The following P3H2 variants were observed in gnomAD, a reference collection of about 807,000 sequenced individuals.
The protein encoded by P3H2 is leprecan-like 1.
Under a neutral mutation model 87.0 loss-of-function variants are expected in P3H2, and 80 were observed. The observed-to-expected ratio is 0.92, with a 90% CI of 0.77 to 1.11. The LOEUF (loss-of-function observed/expected upper bound fraction) is 1.11. P3H2 is among the 50% of genes least tolerant of loss of function. The probability of loss-of-function intolerance (pLI) is 0.00; values close to 1 mark genes in which losing one functional copy is unlikely to be tolerated. For missense variants in P3H2, 1,001 were observed against 923.9 expected (o/e 1.08, Z -1.08); for synonymous variants, 367 against 359.3 (o/e 1.02, Z -0.24).
intron 14 of P3H2, 90 bp from the exon 15 acceptor site, chr3:189,958,094 C>A: frequency 1.1e-6 from 1 of 904,814 alleles, no homozygotes; most frequent in Non-Finnish European, 1.9e-6. Flanking sequence ...TGGCATCCAT[C>A]TGTACATGGG....
chr3:189,988,874 C>T (rs775553500), intron 4 of P3H2, 33 bp downstream of exon 4: 56 of 1,613,422 alleles, frequency 3.5e-5, no homozygotes, highest in Non-Finnish European at 4.3e-5. Context: ...CCACAACCCC[C>T]CAAGAAGTCT....
chr3:190,035,618 G>A (rs3107656), intron 1 of P3H2, among the ~76,000 whole-genome samples: 87,707 of 151,864 alleles, frequency 0.58, 27,397 homozygotes, highest in Admixed American at 0.71. Context: ...AATCTTATGC[G>A]TTTTATTTTT....
chr3:189,974,499 C>T (rs1723282994), intron 9 of P3H2, 59 bp downstream of exon 9: 1 of 1,609,534 alleles, frequency 6.2e-7, no homozygotes, highest in Non-Finnish European at 8.5e-7. Flanking sequence ...AGGACCAAAG[C>T]AGTTCCAGCT....
intron 6 of P3H2, among the ~76,000 whole-genome samples, chr3:189,986,402 T>C (rs1453765845): frequency 6.6e-6 from 1 of 151,900 alleles, no homozygotes; most frequent in East Asian, 1.9e-4. Flanking sequence ...CTGACCAACA[T>C]GGTGAAACCC....
chr3:189,964,562 G>A (rs1191897820), intron 13 of P3H2, among the ~76,000 whole-genome samples: 2 of 152,216 alleles, frequency 1.3e-5, no homozygotes, highest in Admixed American at 6.5e-5. Context: ...TTACATGAGC[G>A]TATACGCTTT....
At chr3:190,104,399 C>G (rs1364456689) in intron 1 of P3H2, among the ~76,000 whole-genome samples, 3 of 151,982 alleles carry the variant, frequency 2.0e-5, no homozygotes, top group African/African-American at 7.3e-5. Flanking sequence ...CCTCCCGCTC[C>G]CAACTAGAGA....
At chr3:189,966,941 C>T (rs1408995888) in intron 13 of P3H2, among the ~76,000 whole-genome samples, 3 of 152,150 alleles carry the variant, frequency 2.0e-5, no homozygotes, top group Admixed American at 6.6e-5. Context: ...ACACAACTTC[C>T]AGATTTTTCC....
intron 1 of P3H2, among the ~76,000 whole-genome samples, chr3:190,030,705 G>A (rs564325958): frequency 6.6e-6 from 1 of 152,276 alleles, no homozygotes; most frequent in East Asian, 1.9e-4. Flanking sequence ...AAGTAAACAT[G>A]CTATAGTAAA....
At chr3:190,094,697 A>C (rs1369410869) in intron 1 of P3H2, among the ~76,000 whole-genome samples, 1 of 152,220 alleles carries the variant, frequency 6.6e-6, no homozygotes, top group East Asian at 1.9e-4. Context: ...GATAAAACTG[A>C]GATAATAAAA....
intron 13 of P3H2, among the ~76,000 whole-genome samples, chr3:189,964,490 TAACA>T (rs954257893): frequency 3.3e-5 from 5 of 152,352 alleles, no homozygotes; most frequent in East Asian, 1.9e-4. Flanking sequence ...CTTGTGTAAT[TAACA>T]AACAAACAAA....
chr3:190,048,737 A>C (rs557663582), intron 1 of P3H2, among the ~76,000 whole-genome samples: 1 of 152,336 alleles, frequency 6.6e-6, no homozygotes, highest in East Asian at 1.9e-4. Flanking sequence ...GTAGCAGGAG[A>C]TCAGCTACAT....
At chr3:190,099,025 T>C (rs1577323232) in intron 1 of P3H2, among the ~76,000 whole-genome samples, 2 of 152,178 alleles carry the variant, frequency 1.3e-5, no homozygotes, top group African/African-American at 4.8e-5. Context: ...TTGCTATAGC[T>C]GTGCTTTTTT....
rs1723588903 is a variant in P3H2 at position 189,983,118 on chromosome 3, C to T, written c.1252G>A (p.Glu418Lys). The change falls in exon 8 of 15, where the codon GAG becomes AAG. Residue 418 changes from glutamate to lysine, a missense_variant. Transcript: ENST00000319332. Reference protein sequence around the residue: ...ENRVPSGVNVEGAEVHGFSMG... With the variant: ...ENRVPSGVNVKGAEVHGFSMG... ...GAGAATCCATGAACTTCTGCTCCCT[C>T]TACGTTCACTCCTGAAGGGACCCTG... 5 of 1,613,816 alleles carry T rather than the reference C, an allele frequency of 3.1e-6. No individual in the cohort carries two copies. The highest frequency in any genetic ancestry group is 4.2e-6 in the Non-Finnish European group (5 of 1,179,806).
At position 190,041,568 on chromosome 3, in the gene P3H2, T is replaced by A. The variant is rs182824362; in HGVS notation, c.481-46126A>T. 2.6e-4 allele frequency among the ~76,000 whole-genome samples: 39 copies of A among 152,272 alleles called. No individual in the cohort carries two copies. In the South Asian group the frequency reaches 4.1e-3, roughly 16 times the overall value. On this transcript the variant is annotated intron_variant, in intron 1 of 14. Coordinates refer to ENST00000319332, the MANE Select transcript of P3H2 (RefSeq NM_018192.4). ...TTTCCATGCCTGACCTGCAAATGCT[T>A]AAGGAGAATAATAGCTACTTTGCAA...
intron 3 of P3H2, among the ~76,000 whole-genome samples, chr3:189,990,956 T>TA (rs1360640759): frequency 6.6e-6 from 1 of 152,224 alleles, no homozygotes; most frequent in Non-Finnish European, 1.5e-5. Context: ...TCCATTTTCC[T>TA]AAACCAGATC....
chr3:189,994,240 A>T lies in P3H2; in HGVS notation c.677T>A (p.Phe226Tyr), dbSNP rs1723971398. Residue 226 changes from phenylalanine (F) to tyrosine (Y), a missense_variant, in exon 3 of 15, where the codon TTT becomes TAT. Phe to Tyr is a conservative substitution (Grantham distance 22). Transcript: ENST00000319332. ...AGVKHYEADDFEMAIRHFEQA... is the reference protein window; with the variant it reads ...AGVKHYEADDYEMAIRHFEQA... ...TTCGAAGTGCCTGATAGCCATCTCA[A>T]AGTCATCAGCCTCATAATGTTTAAC... is the stretch of plus-strand genomic sequence containing the variant. 1.2e-6 allele frequency: 2 copies of T among 1,613,716 alleles called. No homozygotes were observed. The highest frequency in any genetic ancestry group is 3.3e-5 in the Admixed American group (2 of 59,974).
At chr3:190,016,419 A>T (rs932573985) in intron 1 of P3H2, among the ~76,000 whole-genome samples, 3 of 151,768 alleles carry the variant, frequency 2.0e-5, no homozygotes, top group African/African-American at 7.3e-5. Flanking sequence ...AATTTTTTGT[A>T]ATTTTAGTAG....
intron 1 of P3H2, among the ~76,000 whole-genome samples, chr3:189,999,432 C>A (rs1453359889): frequency 1.3e-5 from 2 of 152,180 alleles, no homozygotes; most frequent in African/African-American, 4.8e-5. Flanking sequence ...AAGCTTGATA[C>A]CTCTGTCTTC....
intron 1 of P3H2, among the ~76,000 whole-genome samples, chr3:190,098,583 C>T (rs748783130): frequency 2.6e-5 from 4 of 152,136 alleles, no homozygotes; most frequent in Non-Finnish European, 5.9e-5. Flanking sequence ...ATGAAATCCT[C>T]GCAATGCCAC....
Sources: gnomAD v4.1 joint callset for allele counts (sites outside exome capture counted in the v4.1 genomes callset) on GRCh38, gnomAD v4.1.1 for gene constraint, MANE v1.5 for transcripts, NCBI Gene and HGNC (gene_info 2026-07-23, HGNC 2026-07-21) for gene names.